The following ATRNL1 variants were observed in gnomAD, a reference collection of about 807,000 sequenced individuals.
ATRNL1 encodes the protein attractin like 1.
Under a neutral mutation model 182.7 loss-of-function variants are expected in ATRNL1, and 95 were observed. The ratio of observed to expected loss-of-function variants is 0.52; its 90% CI spans 0.44 to 0.62. The LOEUF (loss-of-function observed/expected upper bound fraction) is 0.62, where lower values mean the gene tolerates loss of function less well. ATRNL1 is among the 20% of genes least tolerant of loss of function. The pLI, the probability that ATRNL1 is intolerant of heterozygous loss-of-function variation, is 0.00. For synonymous variants in ATRNL1, 576 were observed against 568.3 expected (o/e 1.01, Z -0.19); for missense variants, 1,471 against 1,679.5 (o/e 0.88, Z 2.17).
chr10:115,305,234 A>G (rs1554925831), intron 17 of ATRNL1, among the ~76,000 whole-genome samples: 2 of 152,084 alleles, frequency 1.3e-5, no homozygotes, highest in African/African-American at 4.8e-5. Context: ...GGTCCAGTCA[A>G]ATATGTATTT....
intron 19 of ATRNL1, among the ~76,000 whole-genome samples, chr10:115,361,307 A>G (rs1554944146): frequency 1.3e-5 from 2 of 151,938 alleles, no homozygotes; most frequent in South Asian, 2.1e-4. Flanking sequence ...CTACCTGTCT[A>G]TGTATGTATG....
chr10:115,927,398 A>C (rs1465853171), intron 28 of ATRNL1, among the ~76,000 whole-genome samples: 1 of 152,122 alleles, frequency 6.6e-6, no homozygotes, highest in African/African-American at 2.4e-5. Flanking sequence ...TTTGCTAAGA[A>C]TACTGTGATT....
At chr10:115,282,778 C>T (rs931800812) in intron 14 of ATRNL1, among the ~76,000 whole-genome samples, 1 of 121,898 alleles carries the variant, frequency 8.2e-6, no homozygotes, top group Non-Finnish European at 2.1e-5. Flanking sequence ...AGTATTTTAC[C>T]TCTCTTTATC....
chr10:115,378,207 T>C (rs147426981), intron 19 of ATRNL1, among the ~76,000 whole-genome samples: 9 of 152,280 alleles, frequency 5.9e-5, no homozygotes, highest in Non-Finnish European at 1.3e-4. Context: ...AGATTGTAGT[T>C]GACAGGGGAT....
At chr10:115,741,062 T>G (rs910685292) in intron 27 of ATRNL1, among the ~76,000 whole-genome samples, 1 of 152,140 alleles carries the variant, frequency 6.6e-6, no homozygotes, top group Non-Finnish European at 1.5e-5. Context: ...AACAATTGTC[T>G]CCACAAATAT....
At chr10:115,225,678 T>G (rs1340693922) in intron 9 of ATRNL1, among the ~76,000 whole-genome samples, 3 of 150,796 alleles carry the variant, frequency 2.0e-5, no homozygotes, top group African/African-American at 7.3e-5. Context: ...TGCAGGATCT[T>G]TACACAGAAA....
rs151143623 is a variant in ATRNL1 at position 115,886,388 on chromosome 10, C to T, written c.4018+38397C>T. 7.7e-3 allele frequency among the ~76,000 whole-genome samples: 1,170 copies of T among 152,254 alleles called. 8 individuals carry two copies. Among genetic ancestry groups the T allele is most frequent in the Non-Finnish European group, 0.013 (854 of 68,018 alleles). Reference sequence around the variant, plus strand: ...AATTAGCCGGGTGTGGTGGCGCATGCCTGTAATCCCAGCTACTCGGGAGGC... The same window carrying T: ...AATTAGCCGGGTGTGGTGGCGCATGTCTGTAATCCCAGCTACTCGGGAGGC... On this transcript the variant is annotated intron_variant, in intron 28 of 28. Coordinates refer to ENST00000355044, the MANE Select transcript of ATRNL1 (RefSeq NM_207303.4).
chr10:115,673,933 T>G (rs534952501), intron 26 of ATRNL1, among the ~76,000 whole-genome samples: 8 of 152,168 alleles, frequency 5.3e-5, no homozygotes, highest in Admixed American at 2.6e-4. Flanking sequence ...ATGCTTCCTC[T>G]TGGGAGCTGC....
chr10:115,628,734 T>C (rs1222102647), intron 26 of ATRNL1, among the ~76,000 whole-genome samples: 1 of 152,196 alleles, frequency 6.6e-6, no homozygotes, highest in Non-Finnish European at 1.5e-5. Flanking sequence ...TTGATCAACT[T>C]TGAGGTAATT....
At chr10:115,155,683 A>G (rs1164437206) in intron 5 of ATRNL1, among the ~76,000 whole-genome samples, 4 of 152,150 alleles carry the variant, frequency 2.6e-5, no homozygotes, top group Non-Finnish European at 5.9e-5. Context: ...ATTGTTGGCT[A>G]TGTTAAGTAC....
intron 15 of ATRNL1, among the ~76,000 whole-genome samples, chr10:115,299,070 G>A (rs1853343565): frequency 1.3e-5 from 2 of 151,368 alleles, no homozygotes; most frequent in Non-Finnish European, 3.0e-5. Flanking sequence ...TCTCTATCCT[G>A]GTACTCCATA....
chr10:115,433,616 T>A (rs1460421195), intron 21 of ATRNL1, among the ~76,000 whole-genome samples: 1 of 152,170 alleles, frequency 6.6e-6, no homozygotes, highest in African/African-American at 2.4e-5. Context: ...TTTATTAAAT[T>A]TTCTGAAGTC....
chr10:115,297,281 C>T (rs565309857), intron 15 of ATRNL1, among the ~76,000 whole-genome samples: 2 of 152,188 alleles, frequency 1.3e-5, no homozygotes, highest in Admixed American at 6.5e-5. Context: ...GGACAAACAA[C>T]ATAAGTTAAA....
intron 10 of ATRNL1, among the ~76,000 whole-genome samples, chr10:115,251,934 G>A (rs969882453): frequency 3.9e-5 from 6 of 152,054 alleles, no homozygotes; most frequent in Admixed American, 2.6e-4. Flanking sequence ...TAAGGTTCTG[G>A]CCACCTTGAT....
rs563231304 is a variant in ATRNL1, at chr10:115,611,465, G to A, written c.3795+61929G>A. Among the ~76,000 whole-genome samples the A allele has an allele frequency of 5.9e-5, 9 of 151,962 alleles. No individual in the cohort carries two copies. In the South Asian group the frequency reaches 1.9e-3, roughly 32 times the overall value. On this transcript the variant is annotated intron_variant, in intron 26 of 28. Coordinates refer to ENST00000355044, the MANE Select transcript of ATRNL1 (RefSeq NM_207303.4). ...AGAATAGTTATTTTGTGTCCTTTTAGGATGATATAATTCAGTAGGTTTAGC... is the reference window on the plus strand; with the variant it reads ...AGAATAGTTATTTTGTGTCCTTTTAAGATGATATAATTCAGTAGGTTTAGC...
intron 26 of ATRNL1, among the ~76,000 whole-genome samples, chr10:115,726,611 G>A (rs1947604497): frequency 6.6e-6 from 1 of 152,160 alleles, no homozygotes; most frequent in Non-Finnish European, 1.5e-5. Context: ...CAAGTATCTG[G>A]GGGTGCTGTA....
intron 27 of ATRNL1, among the ~76,000 whole-genome samples, chr10:115,751,968 G>A (rs1948461133): frequency 6.6e-6 from 1 of 152,004 alleles, no homozygotes; most frequent in African/African-American, 2.4e-5. Context: ...GTAGACCTAA[G>A]TGTACTTTAC....
At chr10:115,885,171 T>C (rs1447642913) in intron 28 of ATRNL1, among the ~76,000 whole-genome samples, 2 of 152,226 alleles carry the variant, frequency 1.3e-5, no homozygotes, top group African/African-American at 2.4e-5. Flanking sequence ...AGAGTACTTA[T>C]GTAAAATTTG....
At chr10:115,597,659 G>T (rs11197326) in intron 26 of ATRNL1, 2 of 439,514 alleles carry the variant, frequency 4.6e-6, no homozygotes, top group African/African-American at 4.4e-5. Flanking sequence ...TGCAACCTCC[G>T]CATCCTGGGT....
Sources: allele counts gnomAD v4.1 joint callset (sites outside exome capture counted in the v4.1 genomes callset), GRCh38; gene constraint gnomAD v4.1.1; transcripts MANE v1.5; gene names NCBI Gene and HGNC (gene_info 2026-07-23, HGNC 2026-07-21).